The following PPFIBP2 variants were observed in gnomAD, a reference collection of about 807,000 sequenced individuals.
PPFIBP2 encodes PPFIB scaffold protein 2, also known as liprin-beta-2.
PPFIBP2 carries 118 observed loss-of-function variants against 118.3 expected under a neutral mutation model. That is an observed-to-expected ratio of 1.00 (90% CI 0.86 to 1.16). The LOEUF is 1.16. Ranked by LOEUF, PPFIBP2 falls within the 50% of genes most tolerant of loss-of-function variation. PPFIBP2 has a pLI of 0.00. For missense variants in PPFIBP2, 1,195 were observed against 1,073.1 expected (o/e 1.11, Z -1.59); for synonymous variants, 414 against 397.4 (o/e 1.04, Z -0.50).
At chr11:7,544,280 T>G (rs1475759289) in intron 1 of PPFIBP2, among the ~76,000 whole-genome samples, 4 of 152,190 alleles carry the variant, frequency 2.6e-5, no homozygotes, top group Admixed American at 1.3e-4. Flanking sequence ...CCAGAGAGAA[T>G]GAAAAGTGCT....
chr11:7,561,807 G>A (rs1019630422), intron 2 of PPFIBP2, among the ~76,000 whole-genome samples: 3 of 152,274 alleles, frequency 2.0e-5, no homozygotes, highest in East Asian at 1.9e-4. Context: ...ATTCAGGAGC[G>A]GTTTAGTTGG....
At position 7,649,286 on chromosome 11, in the gene PPFIBP2, C is replaced by T. The variant is rs761890260; in HGVS notation, c.1998+51C>T. 8.1e-6 allele frequency: 12 copies of T among 1,474,936 alleles called. No homozygotes were observed. The South Asian group carries it at 1.2e-4, about 14-fold the overall frequency. The allele number at this position is 1,474,936 out of a possible 1,614,324, so 91.4% of individuals were successfully genotyped here. A position where few individuals can be genotyped will look rare whatever the true frequency, so the allele number is the denominator to read the frequency against. ...CAGTTGTCCCTGTGAGCACTCAGCT[C>T]ACGTGTACCCATGGTGGTTATTTTA... On this transcript the variant is annotated intron_variant, in intron 20 of 23. Transcript: ENST00000299492.
At chr11:7,665,224 T>C in the PPFIBP2 span, 1 of 645,704 alleles carries the variant, frequency 1.5e-6, no homozygotes, top group Non-Finnish European at 2.5e-6. Context: ...CCCTTTTTGT[T>C]AGGCCCACAC....
intron 1 of PPFIBP2, among the ~76,000 whole-genome samples, chr11:7,529,528 C>T (rs897977798): frequency 6.6e-6 from 1 of 152,164 alleles, no homozygotes; most frequent in Non-Finnish European, 1.5e-5. Context: ...TCAAGGCCAT[C>T]TCTAGAGTTA....
chr11:7,574,582 A>G, intron 3 of PPFIBP2, among the ~76,000 whole-genome samples: 1 of 152,208 alleles, frequency 6.6e-6, no homozygotes, highest in East Asian at 1.9e-4. Flanking sequence ...GGCTCATCTG[A>G]TCCCTGGAAT....
At chr11:7,581,632 A>T (rs1857269661) in intron 3 of PPFIBP2, among the ~76,000 whole-genome samples, 1 of 152,154 alleles carries the variant, frequency 6.6e-6, no homozygotes, top group African/African-American at 2.4e-5. Flanking sequence ...CCTTGCATTC[A>T]TGTTGGACTG....
chr11:7,621,010 A>G lies in PPFIBP2; in HGVS notation c.694A>G (p.Lys232Glu). The change falls in exon 7 of 24, where the codon AAG becomes GAG. Residue 232 changes from lysine (K) to glutamate (E), a missense_variant. Coordinates refer to ENST00000299492, the MANE Select transcript of PPFIBP2 (RefSeq NM_003621.5). Reference sequence around the variant, plus strand: ...AAATGAAAGGAATCAGTATGAATGGAAGCTAAAGGCCACTAAGGTAAACGG... The same window carrying G: ...AAATGAAAGGAATCAGTATGAATGGGAGCTAAAGGCCACTAAGGTAAACGG... ...LENERNQYEW[K>E]LKATKAEVAQ... 1.9e-6 allele frequency: 3 copies of G among 1,610,570 alleles called. No homozygotes were observed. The highest frequency in any genetic ancestry group is 1.1e-5 in the South Asian group (1 of 91,022).
intron 17 of PPFIBP2, among the ~76,000 whole-genome samples, chr11:7,643,104 CTAAG>C (rs1287720479): frequency 2.0e-5 from 3 of 152,152 alleles, no homozygotes; most frequent in African/African-American, 7.2e-5. Flanking sequence ...AGGACATAGT[CTAAG>C]TAAGTCAGAG....
At position 7,646,405 on chromosome 11, in the gene PPFIBP2, T is replaced by C. The variant is rs1444614530; in HGVS notation, c.1647-1982T>C. ...TGTACGTGACAATACCAGTTATAAA[T>C]TGTGAAGATAAAACTTCTTAACTAT... On this transcript the variant is annotated intron_variant, in intron 17 of 23. Transcript: ENST00000299492. Among the ~76,000 whole-genome samples, 4 of 152,242 alleles carry C rather than the reference T, an allele frequency of 2.6e-5. No homozygotes were observed. In the East Asian group the frequency reaches 7.7e-4, roughly 29 times the overall value.
In PPFIBP2 at chr11:7,605,918, G is replaced by A. The variant is rs369467372; in HGVS notation, c.487-4373G>A. ...AACGAAATGGAAAGCAAAGCCTGTT[G>A]GAGCTGAGGTCAAAGAATGTGAAGC... On this transcript the variant is annotated intron_variant, in intron 5 of 23. Coordinates refer to ENST00000299492, the MANE Select transcript of PPFIBP2 (RefSeq NM_003621.5). The A allele has an allele frequency of 7.2e-6, 11 of 1,521,762 alleles. No homozygotes were observed. The South Asian group carries it at 1.1e-4, about 15-fold the overall frequency. 94.3% of individuals were successfully genotyped at this position (1,521,762 alleles called of 1,614,324 possible).
At chr11:7,528,026 T>G (rs1850377585) in intron 1 of PPFIBP2, among the ~76,000 whole-genome samples, 1 of 152,142 alleles carries the variant, frequency 6.6e-6, no homozygotes, top group African/African-American at 2.4e-5. Context: ...ATCTCAAGTT[T>G]CCCTAGGTGG....
intron 8 of PPFIBP2, among the ~76,000 whole-genome samples, chr11:7,626,866 G>A (rs1850084753): frequency 6.6e-6 from 1 of 152,222 alleles, no homozygotes; most frequent in South Asian, 2.1e-4. Context: ...ATCCCCAGCT[G>A]GGGTGTGGAA....
intron 2 of PPFIBP2, among the ~76,000 whole-genome samples, chr11:7,550,480 G>C (rs986448496): frequency 3.3e-5 from 5 of 152,206 alleles, no homozygotes; most frequent in African/African-American, 1.2e-4. Flanking sequence ...CCTGAAGTGG[G>C]AGAGTATGCC....
rs372421700 is a variant in PPFIBP2 at position 7,599,629 on chromosome 11, C to CTTT, written c.486+1973_486+1975dup. Among the ~76,000 whole-genome samples, 358 of 134,006 alleles carry CTTT rather than the reference C, an allele frequency of 2.7e-3. 4 individuals are homozygous for CTTT. The highest frequency in any genetic ancestry group is 9.7e-3 in the African/African-American group (343 of 35,304). 87.9% of individuals were successfully genotyped at this position (134,006 alleles called of 152,430 possible). A position where few individuals can be genotyped will look rare whatever the true frequency, so the allele number is the denominator to read the frequency against. ...TTTTTTAAAGTCATAAACTCAATTA[C>CTTT]TTTTTTTTTTTTTTTTTTTGAGACG... On this transcript the variant is annotated intron_variant, in intron 5 of 23. Coordinates refer to ENST00000299492, the MANE Select transcript of PPFIBP2 (RefSeq NM_003621.5).
rs1389523150 is a variant in PPFIBP2 at position 7,620,944 on chromosome 11, C to G, written c.628C>G (p.Gln210Glu). ...CTCCCTCATCCCCTAGGAGTTACTG[C>G]AAGAGCTCAGGCACCTCAAAATCAA... ...EKQRKAEELL[Q>E]ELRHLKIKVE... Residue 210 changes from glutamine (Q) to glutamate (E), a missense_variant, in exon 7 of 24, where the codon CAA (glutamine) becomes GAA (glutamate). By Grantham distance (29) the Gln-to-Glu change is conservative (BLOSUM62 2). Transcript: ENST00000299492. 1 of 1,608,812 alleles carries G rather than the reference C, an allele frequency of 6.2e-7. No homozygotes were observed. The highest frequency in any genetic ancestry group is 1.1e-5 in the South Asian group (1 of 90,986).
chr11:7,546,579 G>A (rs551861019), intron 1 of PPFIBP2, among the ~76,000 whole-genome samples: 2 of 152,346 alleles, frequency 1.3e-5, no homozygotes, highest in Admixed American at 1.3e-4. Context: ...CCAGGCCCCT[G>A]ATGCTGTGGG....
chr11:7,645,043 A>G lies in PPFIBP2; in HGVS notation c.1646+2617A>G, dbSNP rs1451380434. ...CTCCGTCTCAAAAAAAAAAAAAAAA[A>G]AAAAAAAAAAAAAAAAGGTATTTTA... On this transcript the variant is annotated intron_variant, in intron 17 of 23. Coordinates refer to ENST00000299492, the MANE Select transcript of PPFIBP2 (RefSeq NM_003621.5). 8.5e-3 allele frequency among the ~76,000 whole-genome samples: 1,273 copies of G among 149,852 alleles called. 8 individuals are homozygous for G. The highest frequency in any genetic ancestry group is 0.024 in the Middle Eastern group (7 of 290).
At chr11:7,550,909 C>T (rs564440234) in intron 2 of PPFIBP2, among the ~76,000 whole-genome samples, 1 of 152,300 alleles carries the variant, frequency 6.6e-6, no homozygotes, top group East Asian at 1.9e-4. Flanking sequence ...CCCCAAACAT[C>T]AGACTTCAAG....
the PPFIBP2 span, among the ~76,000 whole-genome samples, chr11:7,663,016 T>C: frequency 7.3e-6 from 1 of 137,004 alleles, no homozygotes; most frequent in Non-Finnish European, 1.7e-5. Context: ...TTTAAGCACT[T>C]CTCTGTATTG....
Sources: gnomAD v4.1 joint callset for allele counts (sites outside exome capture counted in the v4.1 genomes callset) on GRCh38, gnomAD v4.1.1 for gene constraint, MANE v1.5 for transcripts, NCBI Gene and HGNC (gene_info 2026-07-23, HGNC 2026-07-21) for gene names.